RFTN1: variants seen among roughly 807,000 people sequenced by gnomAD.
RFTN1 encodes the protein raftlin.
RFTN1 carries 26 observed loss-of-function variants against 46.5 expected under a neutral mutation model. The observed-to-expected ratio is 0.56, with a 90% CI of 0.41 to 0.78. The LOEUF (loss-of-function observed/expected upper bound fraction) is 0.78, where lower values mean the gene tolerates loss of function less well. RFTN1 is among the 30% of genes least tolerant of loss of function. The pLI is 0.00. For missense variants in RFTN1, 693 were observed against 718.7 expected, an observed-to-expected ratio of 0.96 and a Z score of 0.41; for synonymous variants, 261 against 284.2, an observed-to-expected ratio of 0.92 and a Z score of 0.82.
Position 16,334,293 on chromosome 3 carries a change from G to C in RFTN1, c.1147-7417C>G, listed in dbSNP as rs137862950. 1.3e-5 allele frequency among the ~76,000 whole-genome samples: 2 copies of C among 152,302 alleles called. No individual in the cohort carries two copies. Among genetic ancestry groups the C allele is most frequent in the Admixed American group, 6.5e-5 (1 of 15,310 alleles). ...TTGCCAAGGCCGTGGGGAAGCATGC[G>C]TTCTTGTACATTGCTAGTGGAAGGG... On this transcript the variant is annotated intron_variant, in intron 7 of 9. Transcript: ENST00000334133. This position sits in a 1 kb window ranked among gnomAD's most constrained non-coding sequence, Gnocchi z 4.3.
At chr3:16,505,921 C>G (rs184578326) in intron 1 of RFTN1, among the ~76,000 whole-genome samples, 1 of 152,274 alleles carries the variant, frequency 6.6e-6, no homozygotes, top group Non-Finnish European at 1.5e-5. Flanking sequence ...GTGCAAGGCC[C>G]TGTTCTAAAT....
chr3:16,493,755 G>T lies in RFTN1; in HGVS notation c.115C>A (p.Arg39Ser). The T allele has an allele frequency of 6.2e-7, 1 of 1,611,152 alleles. No individual in the cohort carries two copies. Among genetic ancestry groups the T allele is most frequent in the Admixed American group, 1.7e-5 (1 of 59,834 alleles). Residue 39 changes from arginine (R) to serine (S), a missense_variant, in exon 2 of 10, where the codon CGC (arginine) becomes AGC (serine). Arg to Ser is a moderately radical substitution (Grantham distance 110). Coordinates refer to ENST00000334133, the MANE Select transcript of RFTN1 (RefSeq NM_015150.2). ...ETKIDVSYEYRFLEFTTLSAA... is the reference protein window; with the variant it reads ...ETKIDVSYEYSFLEFTTLSAA... ...CTCAGAGTCGTGAACTCCAGGAAGCGGTATTCATAGGACACATCTATCTTG... is the reference window on the plus strand; with the variant it reads ...CTCAGAGTCGTGAACTCCAGGAAGCTGTATTCATAGGACACATCTATCTTG...
In RFTN1 at chr3:16,450,722, G is replaced by C. The variant is rs369961972; in HGVS notation, c.146-16685C>G. Among the ~76,000 whole-genome samples, 6 of 152,102 alleles carry C rather than the reference G, an allele frequency of 3.9e-5. No individual in the cohort carries two copies. The highest frequency in any genetic ancestry group is 1.4e-4 in the African/African-American group (6 of 41,422). ...TGTCTGTTCCACAACCTTCAGAGAA[G>C]GTGTTATTTTGCCTTCTCTTACCTT... On this transcript the variant is annotated intron_variant, in intron 2 of 9. Transcript: ENST00000334133. The surrounding 1 kb of genome is among the most constrained non-coding windows in gnomAD (Gnocchi z 4.6).
In RFTN1 at chr3:16,498,111, A is replaced by C. The variant is rs915171170; in HGVS notation, c.-8-4234T>G. On this transcript the variant is annotated intron_variant, in intron 1 of 9. Coordinates refer to ENST00000334133, the MANE Select transcript of RFTN1 (RefSeq NM_015150.2). The surrounding 1 kb of genome is among the most constrained non-coding windows in gnomAD (Gnocchi z 5.2). The stretch of plus-strand genomic sequence containing the variant: ...TAAAGGGGCTCTGGGCAAATCATCC[A>C]TGTGATCAGACACAGAAAAGATAAA... Among the ~76,000 whole-genome samples, 3 of 152,236 alleles carry C rather than the reference A, an allele frequency of 2.0e-5. No individual in the cohort carries two copies. The highest frequency in any genetic ancestry group is 2.9e-5 in the Non-Finnish European group (2 of 68,044).
rs371303639 is a variant in RFTN1 at position 16,369,056 on chromosome 3, A to G, written c.1030+1020T>C. ...TATGATAACGTGTCAATATTAGTCA[A>G]TGATACTTAGATAGAGACTCGCATC... On this transcript the variant is annotated intron_variant, in intron 6 of 9. Transcript: ENST00000334133. Among the ~76,000 whole-genome samples, 5 of 152,336 alleles carry G rather than the reference A, an allele frequency of 3.3e-5. No individual in the cohort carries two copies. In the East Asian group the frequency reaches 7.7e-4, roughly 23 times the overall value.
At chr3:16,494,777 T>G (rs2076598231) in intron 1 of RFTN1, among the ~76,000 whole-genome samples, 1 of 152,240 alleles carries the variant, frequency 6.6e-6, no homozygotes, top group South Asian at 2.1e-4. Flanking sequence ...GAAGAGATTT[T>G]GCTTCTGTGT....
rs183984402 is a variant in RFTN1 at position 16,512,488 on chromosome 3, G to A, written c.-9+954C>T. Among the ~76,000 whole-genome samples, 141 of 151,826 alleles carry A rather than the reference G, an allele frequency of 9.3e-4. No individual in the cohort carries two copies. The highest frequency in any genetic ancestry group is 3.1e-3 in the African/African-American group (130 of 41,282). Reference sequence around the variant, plus strand: ...AAGAAACTCACTGACACCACCCAGCGTCCCTAGGGATCACCCATAACCACA... The same window carrying A: ...AAGAAACTCACTGACACCACCCAGCATCCCTAGGGATCACCCATAACCACA... On this transcript the variant is annotated intron_variant, in intron 1 of 9. Coordinates refer to ENST00000334133, the MANE Select transcript of RFTN1 (RefSeq NM_015150.2). This position sits in a 1 kb window ranked among gnomAD's most constrained non-coding sequence, Gnocchi z 4.3.
At chr3:16,394,428 G>C (rs973027886) in intron 4 of RFTN1, among the ~76,000 whole-genome samples, 4 of 152,100 alleles carry the variant, frequency 2.6e-5, no homozygotes, top group African/African-American at 9.7e-5. Context: ...ACACACAAAT[G>C]AACACCAATG....
At chr3:16,371,542 C>G (rs186931772) in intron 5 of RFTN1, among the ~76,000 whole-genome samples, 216 of 152,364 alleles carry the variant, frequency 1.4e-3, no homozygotes, top group Admixed American at 3.7e-3. Flanking sequence ...AATTATCTCA[C>G]ATAGGTCACA....
At chr3:16,416,534 G>A (rs2075083832) in intron 3 of RFTN1, among the ~76,000 whole-genome samples, 1 of 152,196 alleles carries the variant, frequency 6.6e-6, no homozygotes, top group Non-Finnish European at 1.5e-5. Flanking sequence ...ATTAATGGTG[G>A]TGGGAAACTT....
Position 16,476,988 on chromosome 3 carries a change from G to A in RFTN1, c.145+16737C>T, listed in dbSNP as rs73024230. ...ATTTCCCATTTTCTCTCCACAGGGAGGCTGTCATCACTCAATATTAATTGA... is the reference window on the plus strand; with the variant it reads ...ATTTCCCATTTTCTCTCCACAGGGAAGCTGTCATCACTCAATATTAATTGA... On this transcript the variant is annotated intron_variant, in intron 2 of 9. Transcript: ENST00000334133. Among the ~76,000 whole-genome samples the A allele has an allele frequency of 9.9e-3, 1,507 of 152,216 alleles. 24 individuals are homozygous for A. The highest frequency in any genetic ancestry group is 0.02 in the South Asian group (98 of 4,810).
chr3:16,324,646 TTGTGTGTGTG>T lies in RFTN1; in HGVS notation c.1251-1199_1251-1190del, dbSNP rs71632869. 7.4e-4 allele frequency among the ~76,000 whole-genome samples: 74 copies of T among 100,472 alleles called. 1 individual carries two copies. Among genetic ancestry groups the T allele is most frequent in the Admixed American group, 3.2e-3 (29 of 8,998 alleles). 65.9% of individuals were successfully genotyped at this position (100,472 alleles called of 152,430 possible). On this transcript the variant is annotated intron_variant, in intron 8 of 9. Coordinates refer to ENST00000334133, the MANE Select transcript of RFTN1 (RefSeq NM_015150.2). ...CCTTTTAAGGTTGCATAGTATTCCA[TTGTGTGTGTG>T]TGTGTGTGTGTGTGTGTGTGTGTGT...
chr3:16,337,118 T>A lies in RFTN1; in HGVS notation c.1147-10242A>T, dbSNP rs2070932323. 1 of 152,278 alleles carries A rather than the reference T, an allele frequency of 6.6e-6. No individual in the cohort carries two copies. Among genetic ancestry groups the A allele is most frequent in the African/African-American group, 2.4e-5 (1 of 41,460 alleles). The allele number at this position is 152,278 out of a possible 1,614,324, so 9.4% of individuals were successfully genotyped here. A position where few individuals can be genotyped will look rare whatever the true frequency, so the allele number is the denominator to read the frequency against. ...GTTTCTGCTCACTCTCCAGGAACCC[T>A]GCCTACGCCATGAGGACAGGCCCAG... On this transcript the variant is annotated intron_variant, in intron 7 of 9. Coordinates refer to ENST00000334133, the MANE Select transcript of RFTN1 (RefSeq NM_015150.2). The surrounding 1 kb of genome is among the most constrained non-coding windows in gnomAD (Gnocchi z 5.0).
At chr3:16,417,940 T>A (rs1170717854) in intron 3 of RFTN1, among the ~76,000 whole-genome samples, 1 of 152,120 alleles carries the variant, frequency 6.6e-6, no homozygotes. Context: ...ATTCCTGGGC[T>A]CAAGTGAACC....
chr3:16,348,892 A>G lies in RFTN1; in HGVS notation c.1146+9040T>C, dbSNP rs2125313312. Among the ~76,000 whole-genome samples the G allele has an allele frequency of 6.6e-6, 1 of 152,304 alleles. No individual in the cohort carries two copies. On this transcript the variant is annotated intron_variant, in intron 7 of 9. Transcript: ENST00000334133. This position sits in a 1 kb window ranked among gnomAD's most constrained non-coding sequence, Gnocchi z 6.3. ...GTCCTGCCACTGCCACAATCCACACACATTTCAGAACACCCGAGCAAGTGG... is the reference window on the plus strand; with the variant it reads ...GTCCTGCCACTGCCACAATCCACACGCATTTCAGAACACCCGAGCAAGTGG...
In RFTN1 at chr3:16,422,170, A is replaced by G. The variant is rs2075198134; in HGVS notation, c.332+11681T>C. On this transcript the variant is annotated intron_variant, in intron 3 of 9. Coordinates refer to ENST00000334133, the MANE Select transcript of RFTN1 (RefSeq NM_015150.2). The surrounding 1 kb of genome is among the most constrained non-coding windows in gnomAD (Gnocchi z 4.6). ...AGCTCTCAAATAAAATTTACCTCCA[A>G]TAATAATATTGAACATTATGTTCTT... 2.0e-5 allele frequency among the ~76,000 whole-genome samples: 3 copies of G among 152,248 alleles called. No homozygotes were observed. In the South Asian group the frequency reaches 6.2e-4, roughly 32 times the overall value.
rs1211921032 is a variant in RFTN1 at position 16,418,075 on chromosome 3, C to G, written c.333-8592G>C. ...GGTGGGACCTAACCCTTTCCTAAGA[C>G]ATTAAAATAGCATTGTTGTAACAAG... is the stretch of plus-strand genomic sequence containing the variant. On this transcript the variant is annotated intron_variant, in intron 3 of 9. Coordinates refer to ENST00000334133, the MANE Select transcript of RFTN1 (RefSeq NM_015150.2). This position sits in a 1 kb window ranked among gnomAD's most constrained non-coding sequence, Gnocchi z 5.0. Among the ~76,000 whole-genome samples, 1 of 152,144 alleles carries G rather than the reference C, an allele frequency of 6.6e-6. No homozygotes were observed. The highest frequency in any genetic ancestry group is 1.5e-5 in the Non-Finnish European group (1 of 68,004).
In RFTN1 at chr3:16,499,985, G is replaced by T. The variant is rs1033297468; in HGVS notation, c.-8-6108C>A. Reference sequence around the variant, plus strand: ...ACATGTAGGATGTCCAGATACTGCCGCCATGAAAAGTGTATGGAAAGTGAG... The same window carrying T: ...ACATGTAGGATGTCCAGATACTGCCTCCATGAAAAGTGTATGGAAAGTGAG... On this transcript the variant is annotated intron_variant, in intron 1 of 9. Transcript: ENST00000334133. This position sits in a 1 kb window ranked among gnomAD's most constrained non-coding sequence, Gnocchi z 4.9. Among the ~76,000 whole-genome samples, 1 of 152,150 alleles carries T rather than the reference G, an allele frequency of 6.6e-6. No homozygotes were observed. The highest frequency in any genetic ancestry group is 1.5e-5 in the Non-Finnish European group (1 of 68,038).
rs1012852382 is a variant in RFTN1 at position 16,344,242 on chromosome 3, A to G, written c.1146+13690T>C. ...GGGCTGGTTTTTGTCCAACATTCAT[A>G]TACTAAGAAGTAACAGATTGGAAGG... On this transcript the variant is annotated intron_variant, in intron 7 of 9. Coordinates refer to ENST00000334133, the MANE Select transcript of RFTN1 (RefSeq NM_015150.2). This position sits in a 1 kb window ranked among gnomAD's most constrained non-coding sequence, Gnocchi z 4.4. Among the ~76,000 whole-genome samples, 1 of 152,170 alleles carries G rather than the reference A, an allele frequency of 6.6e-6. No homozygotes were observed. Among genetic ancestry groups the G allele is most frequent in the Admixed American group, 6.5e-5 (1 of 15,282 alleles).
Sources: allele counts gnomAD v4.1 joint callset (sites outside exome capture counted in the v4.1 genomes callset), GRCh38; gene constraint gnomAD v4.1.1; non-coding constraint Gnocchi (gnomAD v3.1); transcripts MANE v1.5; gene names NCBI Gene and HGNC (gene_info 2026-07-23, HGNC 2026-07-21).